Variants in SAMD5 observed in about 807,000 individuals in gnomAD.
The protein encoded by SAMD5 is sterile alpha motif domain containing 5.
SAMD5 carries 13 observed loss-of-function variants against 11.3 expected under a neutral mutation model. That is an observed-to-expected ratio of 1.15 (90% confidence interval 0.75 to 1.83). The LOEUF (loss-of-function observed/expected upper bound fraction) is 1.83. Ranked by LOEUF, SAMD5 falls within the 40% of genes most tolerant of loss-of-function variation. SAMD5 has a pLI of 0.00. For synonymous variants in SAMD5, 129 were observed against 111.3 expected (o/e 1.16, Z -1.00); for missense variants, 255 against 239.1 (o/e 1.07, Z -0.44).
chr6:147,659,381 C>T (rs1249997569), intron 1 of SAMD5, among the ~76,000 whole-genome samples: 1 of 151,806 alleles, frequency 6.6e-6, no homozygotes, highest in Non-Finnish European at 1.5e-5. Context: ...ATCAATGTGA[C>T]CTGCAAGATT....
At chr6:147,901,075 G>A in the SAMD5 span, among the ~76,000 whole-genome samples, 1 of 152,102 alleles carries the variant, frequency 6.6e-6, no homozygotes, top group Non-Finnish European at 1.5e-5. Context: ...TCAACTACTA[G>A]CTGTATCACT....
intron 1 of SAMD5, among the ~76,000 whole-genome samples, chr6:147,611,382 G>A (rs1789782031): frequency 6.6e-6 from 1 of 152,066 alleles, no homozygotes; most frequent in East Asian, 1.9e-4. Context: ...GAGCAACATG[G>A]TGAAACCCCA....
At chr6:147,846,144 G>T in the SAMD5 span, among the ~76,000 whole-genome samples, 1 of 152,068 alleles carries the variant, frequency 6.6e-6, no homozygotes, top group African/African-American at 2.4e-5. Flanking sequence ...ATCACATAAG[G>T]TATGTGACAC....
chr6:147,652,666 T>C (rs181213470), intron 1 of SAMD5, among the ~76,000 whole-genome samples: 152 of 152,286 alleles, frequency 1.0e-3, no homozygotes, highest in Middle Eastern at 3.4e-3. Flanking sequence ...TCACAAGTAT[T>C]GGGCTAGATT....
chr6:147,571,825 A>G (rs146835771), downstream of SAMD5, among the ~76,000 whole-genome samples: 506 of 152,312 alleles, frequency 3.3e-3, 2 homozygotes, highest in African/African-American at 0.011. Context: ...AGAAGTCCTT[A>G]AATCCAGTCT....
chr6:147,826,305 C>G, the SAMD5 span, among the ~76,000 whole-genome samples: 51 of 152,298 alleles, frequency 3.3e-4, no homozygotes, highest in East Asian at 6.6e-3. Flanking sequence ...TCTTTTCCTT[C>G]TCTCCGTCCT....
intron 1 of SAMD5, among the ~76,000 whole-genome samples, chr6:147,641,048 C>T (rs1232857519): frequency 6.6e-6 from 1 of 152,164 alleles, no homozygotes; most frequent in African/African-American, 2.4e-5. Flanking sequence ...CCTGCTTTAA[C>T]ATCCAGTAGA....
intron 1 of SAMD5, chr6:147,660,827 G>A (rs34192873): frequency 0.089 from 13,545 of 152,160 alleles, 896 homozygotes; most frequent in East Asian, 0.26. Flanking sequence ...ACCGTGAGTC[G>A]GTTAAACCTC....
chr6:147,761,396 A>T, the SAMD5 span, among the ~76,000 whole-genome samples: 4 of 152,180 alleles, frequency 2.6e-5, 1 homozygote, highest in South Asian at 8.3e-4. Flanking sequence ...ATATGGCATT[A>T]CTAGAGAAAT....
At chr6:147,648,550 C>T (rs745406535) in intron 1 of SAMD5, among the ~76,000 whole-genome samples, 3 of 152,230 alleles carry the variant, frequency 2.0e-5, no homozygotes, top group Admixed American at 1.3e-4. Flanking sequence ...GGTCCACCCC[C>T]ACTGTCATCC....
the SAMD5 span, among the ~76,000 whole-genome samples, chr6:147,877,063 C>T: frequency 6.8e-6 from 1 of 146,128 alleles, no homozygotes; most frequent in African/African-American, 2.5e-5. Context: ...TTTTTCCCAA[C>T]AAACCCTAGG....
At chr6:147,654,213 T>G (rs1790533289) in intron 1 of SAMD5, among the ~76,000 whole-genome samples, 1 of 152,228 alleles carries the variant, frequency 6.6e-6, no homozygotes, top group Non-Finnish European at 1.5e-5. Flanking sequence ...TTTATTTTTC[T>G]GGAAGACATT....
rs143043606 is a variant in SAMD5, at chr6:147,555,028, A to G, written c.460-9366A>G. The stretch of plus-strand genomic sequence containing the variant: ...AAAAATGTTAACGTCGACCTGTGTT[A>G]GTACTTACTGGATTCTTCACCCATA... On this transcript the variant is annotated intron_variant, in intron 1 of 1. Transcript: ENST00000367474. 7.7e-3 allele frequency among the ~76,000 whole-genome samples: 1,172 copies of G among 152,350 alleles called. 20 individuals carry two copies. Among genetic ancestry groups the G allele is most frequent in the South Asian group, 0.057 (273 of 4,822 alleles).
At chr6:147,663,435 T>A (rs762123088) in intron 1 of SAMD5, among the ~76,000 whole-genome samples, 24 of 152,090 alleles carry the variant, frequency 1.6e-4, no homozygotes, top group Admixed American at 1.0e-3. Context: ...AGCTTACCTA[T>A]GTAACAAACC....
At chr6:147,679,061 C>T (rs1171994213) in intron 1 of SAMD5, among the ~76,000 whole-genome samples, 1 of 152,022 alleles carries the variant, frequency 6.6e-6, no homozygotes, top group African/African-American at 2.4e-5. Context: ...AATTTGTTTA[C>T]CCATTCACCT....
chr6:147,924,213 C>G, the SAMD5 span, among the ~76,000 whole-genome samples: 2 of 152,246 alleles, frequency 1.3e-5, no homozygotes, highest in South Asian at 4.1e-4. Flanking sequence ...CCTTAGGGCA[C>G]TCACTCTCAC....
intron 1 of SAMD5, among the ~76,000 whole-genome samples, chr6:147,540,626 C>T (rs1334481049): frequency 1.3e-5 from 2 of 152,140 alleles, no homozygotes; most frequent in African/African-American, 4.8e-5. Context: ...ACTCCTTTCT[C>T]CATTATAGAA....
At chr6:147,899,558 A>T in the SAMD5 span, among the ~76,000 whole-genome samples, 2 of 152,236 alleles carry the variant, frequency 1.3e-5, no homozygotes, top group Admixed American at 6.5e-5. Flanking sequence ...GCATAATTAC[A>T]GTGGTAGCAT....
rs568689935 is a variant in SAMD5 at position 147,618,503 on chromosome 6, A to G, written c.162+109116A>G. 2.6e-5 allele frequency among the ~76,000 whole-genome samples: 4 copies of G among 152,362 alleles called. No individual in the cohort carries two copies. In the South Asian group the frequency reaches 6.2e-4, roughly 24 times the overall value. ...GGTCCTACAAGAGTACTTTGCAGCC[A>G]GTGGTGAAGATATAGGAGGTCAAAT... On this transcript the variant is annotated intron_variant, in intron 1 of 1. Transcript: ENST00000566741.
Sources: gnomAD v4.1 joint callset for allele counts (sites outside exome capture counted in the v4.1 genomes callset) on GRCh38, gnomAD v4.1.1 for gene constraint, MANE v1.5 for transcripts, NCBI Gene and HGNC (gene_info 2026-07-23, HGNC 2026-07-21) for gene names.